The following MLIP variants were observed in gnomAD, a reference collection of about 807,000 sequenced individuals.
The protein encoded by MLIP is muscular LMNA-interacting protein.
MLIP carries 79 observed loss-of-function variants against 84.8 expected under a neutral mutation model. The ratio of observed to expected loss-of-function variants is 0.93; its 90% confidence interval spans 0.78 to 1.12. The LOEUF is 1.12. Among genes scored for constraint, MLIP ranks in the 50% most tolerant of loss-of-function variants. The pLI, the probability that MLIP is intolerant of heterozygous loss-of-function variation, is 0.00. For missense variants in MLIP, 1,257 were observed against 1,160.6 expected (o/e 1.08, Z -1.21); for synonymous variants, 504 against 463.0 (o/e 1.09, Z -1.14).
At chr6:54,119,962 T>C (rs970495131) in intron 1 of MLIP, among the ~76,000 whole-genome samples, 7 of 152,214 alleles carry the variant, frequency 4.6e-5, no homozygotes, top group Non-Finnish European at 1.0e-4. Context: ...TGTAACTTAT[T>C]TCACCTGCTT....
chr6:54,224,767 A>G (rs1357453448), intron 11 of MLIP, among the ~76,000 whole-genome samples: 1 of 150,826 alleles, frequency 6.6e-6, no homozygotes, highest in Admixed American at 6.6e-5. Context: ...CCCAAAGTTC[A>G]TTGTATCATT....
intron 3 of MLIP, among the ~76,000 whole-genome samples, chr6:54,133,145 C>T (rs776386792): frequency 2.0e-5 from 3 of 152,022 alleles, no homozygotes; most frequent in East Asian, 1.9e-4. Context: ...AGAGGGGCTT[C>T]GTCATGAAGG....
chr6:54,244,298 T>C (rs551122306), intron 12 of MLIP, among the ~76,000 whole-genome samples: 39 of 152,252 alleles, frequency 2.6e-4, no homozygotes, highest in Admixed American at 8.5e-4. Flanking sequence ...ATCGAGATGA[T>C]TAAAATATAA....
chr6:54,216,998 A>G (rs1417350214), intron 11 of MLIP: 2 of 985,308 alleles, frequency 2.0e-6, no homozygotes, highest in South Asian at 4.7e-5. Context: ...CAAAAATGCT[A>G]TGGCTCTGAT....
At chr6:54,253,915 T>A (rs188600590) in intron 12 of MLIP, among the ~76,000 whole-genome samples, 38 of 152,168 alleles carry the variant, frequency 2.5e-4, no homozygotes, top group Non-Finnish European at 5.0e-4. Flanking sequence ...TTCTCTTGAA[T>A]TTTCCATTTC....
At chr6:54,252,524 A>G (rs1389285513) in intron 12 of MLIP, among the ~76,000 whole-genome samples, 1 of 143,998 alleles carries the variant, frequency 6.9e-6, no homozygotes, top group South Asian at 2.1e-4. Flanking sequence ...CATATAATAT[A>G]TAATATAGAT....
intron 5 of MLIP, among the ~76,000 whole-genome samples, 180 bp downstream of exon 5, chr6:54,149,307 T>C (rs531413415): frequency 1.4e-4 from 21 of 152,290 alleles, no homozygotes; most frequent in African/African-American, 4.3e-4. Context: ...GGAGATATTA[T>C]TGGTTTATTG....
At chr6:54,063,284 C>G (rs1582060404) in intron 1 of MLIP, 2 of 152,070 alleles carry the variant, frequency 1.3e-5, no homozygotes, top group East Asian at 3.9e-4. Flanking sequence ...TCTCAGATCC[C>G]TCTTTTCCTC....
At position 54,257,301 on chromosome 6, in the gene MLIP, T is replaced by C; in HGVS notation, c.2923-7T>C. Reference sequence around the variant, plus strand: ...CTGATCATATCCTGGGCATCTTTTCTGTGAAGCTGAGTCATCCAATGGTGG... The same window carrying C: ...CTGATCATATCCTGGGCATCTTTTCCGTGAAGCTGAGTCATCCAATGGTGG... On this transcript the variant is annotated splice_region_variant and splice_polypyrimidine_tract_variant and intron_variant, in intron 12 of 13. Coordinates refer to ENST00000502396, the MANE Select transcript of MLIP (RefSeq NM_001281747.2). 1 of 1,610,794 alleles carries C rather than the reference T, an allele frequency of 6.2e-7. No homozygotes were observed. The highest frequency in any genetic ancestry group is 1.1e-5 in the South Asian group (1 of 90,688).
At chr6:54,162,976 G>T (rs1322076018) in intron 8 of MLIP, among the ~76,000 whole-genome samples, 1 of 151,976 alleles carries the variant, frequency 6.6e-6, no homozygotes, top group African/African-American at 2.4e-5. Context: ...GCTATAAGAA[G>T]AGAGTGTTTG....
chr6:54,143,532 G>A (rs1772514741), intron 4 of MLIP, among the ~76,000 whole-genome samples: 1 of 152,086 alleles, frequency 6.6e-6, no homozygotes, highest in Non-Finnish European at 1.5e-5. Context: ...TGAGGGGAGT[G>A]TGCAGTTTAA....
intron 1 of MLIP, among the ~76,000 whole-genome samples, chr6:54,030,334 T>A (rs1764056896): frequency 6.6e-6 from 1 of 152,162 alleles, no homozygotes; most frequent in Non-Finnish European, 1.5e-5. Context: ...TGCTAAATTG[T>A]GAGGTACAAA....
intron 1 of MLIP, among the ~76,000 whole-genome samples, chr6:54,087,157 T>C (rs995099970): frequency 3.3e-5 from 5 of 152,148 alleles, no homozygotes; most frequent in Non-Finnish European, 5.9e-5. Flanking sequence ...ATGAATATTA[T>C]GATATATGGA....
intron 1 of MLIP, among the ~76,000 whole-genome samples, chr6:54,058,750 A>T (rs1230192203): frequency 6.6e-6 from 1 of 152,212 alleles, no homozygotes; most frequent in Non-Finnish European, 1.5e-5. Flanking sequence ...CATACAAAAA[A>T]TTGTTAGTGA....
At chr6:54,199,251 C>T (rs1039037152) in intron 10 of MLIP, among the ~76,000 whole-genome samples, 40 of 152,030 alleles carry the variant, frequency 2.6e-4, no homozygotes, top group African/African-American at 8.5e-4. Context: ...TCCCTGGAAT[C>T]GGCATAGAAG....
intron 12 of MLIP, among the ~76,000 whole-genome samples, chr6:54,238,754 A>G (rs917951970): frequency 6.6e-5 from 10 of 152,228 alleles, no homozygotes; most frequent in Non-Finnish European, 1.5e-5. Context: ...TTATAGGCAG[A>G]GAGACAGCTT....
In MLIP at chr6:54,089,413, A is replaced by G. The variant is rs530119500; in HGVS notation, c.64-32034A>G. On this transcript the variant is annotated intron_variant, in intron 1 of 12. Transcript: ENST00000274897. ...AAGGCCACAGGATAATTTTACTCCC[A>G]GGATTCAAAGCTGTACTTTTTCTTT... 2.6e-5 allele frequency among the ~76,000 whole-genome samples: 4 copies of G among 152,248 alleles called. No individual in the cohort carries two copies. The South Asian group carries it at 8.3e-4, about 32-fold the overall frequency.
intron 11 of MLIP, among the ~76,000 whole-genome samples, chr6:54,212,695 G>A (rs1280538094): frequency 6.6e-6 from 1 of 152,026 alleles, no homozygotes; most frequent in Non-Finnish European, 1.5e-5. Context: ...TCATCAATAT[G>A]ATTTATTGTC....
At chr6:54,264,643 G>A (rs1783584694) in intron 13 of MLIP, among the ~76,000 whole-genome samples, 8 of 152,052 alleles carry the variant, frequency 5.3e-5, no homozygotes, top group African/African-American at 1.9e-4. Context: ...ACTACTAAAT[G>A]CTGGTACTTT....
Sources: allele counts gnomAD v4.1 joint callset (sites outside exome capture counted in the v4.1 genomes callset), GRCh38; gene constraint gnomAD v4.1.1; transcripts MANE v1.5; gene names NCBI Gene and HGNC (gene_info 2026-07-23, HGNC 2026-07-21).